PPFIA4: variants seen among roughly 807,000 people sequenced by gnomAD.
PPFIA4 encodes the protein liprin-alpha-4.
Under a neutral mutation model 145.7 loss-of-function variants are expected in PPFIA4, and 98 were observed. The observed-to-expected ratio is 0.67, with a 90% CI of 0.57 to 0.80. The LOEUF is 0.80. Among genes scored for constraint, PPFIA4 ranks in the 30% least tolerant of loss-of-function variants. The pLI, the probability that PPFIA4 is intolerant of heterozygous loss-of-function variation, is 0.00. For synonymous variants in PPFIA4, 628 were observed against 649.6 expected, an observed-to-expected ratio of 0.97 and a Z score of 0.51; for missense variants, 1,457 against 1,632.7, an observed-to-expected ratio of 0.89 and a Z score of 1.85.
At chr1:203,058,923 A>T (rs932034291) in intron 19 of PPFIA4, among the ~76,000 whole-genome samples, 1 of 152,160 alleles carries the variant, frequency 6.6e-6, no homozygotes, top group Non-Finnish European at 1.5e-5. Context: ...ACTTGGGTCC[A>T]TCTGGCTGGA....
rs1384357435 is a variant in PPFIA4 at position 203,068,928 on chromosome 1, A to G, written c.3324+300A>G. On this transcript the variant is annotated intron_variant, in intron 27 of 29. Transcript: ENST00000295706. This position sits in a 1 kb window ranked among gnomAD's most constrained non-coding sequence, Gnocchi z 4.7. The stretch of plus-strand genomic sequence containing the variant: ...GGTACCTCTATCTCCTCCTAACCCC[A>G]CTTCATAGCTGAGACTCTGAGCCTT... 6.6e-6 allele frequency among the ~76,000 whole-genome samples: 1 copy of G among 152,058 alleles called. No homozygotes were observed. Among genetic ancestry groups the G allele is most frequent in the African/African-American group, 2.4e-5 (1 of 41,382 alleles).
At position 203,078,446 on chromosome 1, in the gene PPFIA4, A is replaced by T. The variant is rs533421645; in HGVS notation, c.*2056A>T. On this transcript the variant is annotated 3_prime_UTR_variant, in exon 30 of 30. Coordinates refer to ENST00000295706, the MANE Select transcript of PPFIA4 (RefSeq NM_001304331.2). ...CAGCTGTGCCAGGATAGCTGGGTCC[A>T]TTCAGAGCACCTTGAGAAGTGTTGC... 2 of 152,664 alleles carry T rather than the reference A, an allele frequency of 1.3e-5. No homozygotes were observed. The highest frequency in any genetic ancestry group is 3.9e-4 in the East Asian group (2 of 5,184). 9.5% of individuals were successfully genotyped at this position (152,664 alleles called of 1,614,324 possible).
intron 13 of PPFIA4, chr1:203,051,281 A>G (rs1201647569): frequency 7.1e-6 from 7 of 986,112 alleles, no homozygotes; most frequent in Non-Finnish European, 7.2e-6. Flanking sequence ...GACTCAGTCC[A>G]GATTATGGGG....
At chr1:203,054,665 A>G (rs1180478318) in intron 15 of PPFIA4, among the ~76,000 whole-genome samples, 1 of 140,220 alleles carries the variant, frequency 7.1e-6, no homozygotes, top group Non-Finnish European at 1.5e-5. Context: ...GACCAGTTAC[A>G]AAGAAGACAC....
Position 203,075,784 on chromosome 1 carries a change from C to T in PPFIA4, c.3574+27C>T. ...TGAGTAACAGGCGGGCTGGGCATGG[C>T]CGAGGCCCAGCCGAGCGCGGGCTTC... On this transcript the variant is annotated intron_variant, in intron 29 of 29. Transcript: ENST00000295706. The surrounding 1 kb of genome is among the most constrained non-coding windows in gnomAD (Gnocchi z 4.1). 1.5e-6 allele frequency: 2 copies of T among 1,353,846 alleles called. No individual in the cohort carries two copies. The highest frequency in any genetic ancestry group is 1.9e-6 in the Non-Finnish European group (2 of 1,048,306). The allele number at this position is 1,353,846 out of a possible 1,614,324, so 83.9% of individuals were successfully genotyped here.
chr1:203,040,301 C>A (rs1207749085), intron 2 of PPFIA4, among the ~76,000 whole-genome samples: 2 of 152,222 alleles, frequency 1.3e-5, no homozygotes, highest in Non-Finnish European at 2.9e-5. Flanking sequence ...GCATAGCCTA[C>A]CCTGACCCAG....
In PPFIA4 at chr1:203,048,843, G is replaced by A; in HGVS notation, c.1357-75G>A. 1 of 1,536,104 alleles carries A rather than the reference G, an allele frequency of 6.5e-7. No individual in the cohort carries two copies. Among genetic ancestry groups the A allele is most frequent in the Middle Eastern group, 2.3e-4 (1 of 4,318 alleles). On this transcript the variant is annotated intron_variant, in intron 11 of 29. Coordinates refer to ENST00000295706, the MANE Select transcript of PPFIA4 (RefSeq NM_001304331.2). This position sits in a 1 kb window ranked among gnomAD's most constrained non-coding sequence, Gnocchi z 5.8. ...GGCCAGCCTGGAGAGGTGGGGCTGA[G>A]ACTGCACACCCAGAGGCTCAGGTCT...
Position 203,046,350 on chromosome 1 carries a change from G to T in PPFIA4, c.1108G>T (p.Glu370Ter). ...KAETLPEVEAELAQRIAALTK... is the reference protein window; with the variant it reads ...KAETLPEVEA Reference sequence around the variant, plus strand: ...AGAGACGCTGCCAGAGGTGGAGGCTGAGCTGGCCCAGAGAATTGCAGCCCT... The same window carrying T: ...AGAGACGCTGCCAGAGGTGGAGGCTTAGCTGGCCCAGAGAATTGCAGCCCT... The change falls in exon 9 of 30, where the codon GAG becomes TAG. Residue 370 changes from glutamate to a stop codon, truncating the protein, a stop_gained. Coordinates refer to ENST00000295706, the MANE Select transcript of PPFIA4 (RefSeq NM_001304331.2). LOFTEE classifies it high-confidence loss of function. The T allele has an allele frequency of 6.3e-7, 1 of 1,591,150 alleles. No individual in the cohort carries two copies. Among genetic ancestry groups the T allele is most frequent in the South Asian group, 1.1e-5 (1 of 87,450 alleles).
intron 1 of PPFIA4, among the ~76,000 whole-genome samples, chr1:203,028,162 G>A (rs554026617): frequency 1.3e-5 from 2 of 152,174 alleles, no homozygotes; most frequent in Non-Finnish European, 2.9e-5. Flanking sequence ...GGAATAGTGT[G>A]GGGGAGGAGG....
rs553206938 is a variant in PPFIA4 at position 203,046,447 on chromosome 1, G to A, written c.1140+65G>A. ...ATGTTCTGAGCTCTCAGGGAGCCAGGCAGGGAAGGGAGCGCGTGGGAGGCG... is the reference window on the plus strand; with the variant it reads ...ATGTTCTGAGCTCTCAGGGAGCCAGACAGGGAAGGGAGCGCGTGGGAGGCG... On this transcript the variant is annotated intron_variant, in intron 9 of 29. Transcript: ENST00000295706. The A allele has an allele frequency of 2.0e-6, 3 of 1,506,020 alleles. No homozygotes were observed. The Admixed American group carries it at 6.7e-5, about 34-fold the overall frequency. The allele number at this position is 1,506,020 out of a possible 1,614,324, so 93.3% of individuals were successfully genotyped here.
At chr1:203,032,698 C>T (rs1426327925) in intron 1 of PPFIA4, among the ~76,000 whole-genome samples, 5 of 150,172 alleles carry the variant, frequency 3.3e-5, no homozygotes, top group African/African-American at 1.2e-4. Flanking sequence ...TCTTTCACCT[C>T]ATCCTCCCAA....
chr1:203,055,364 G>A lies in PPFIA4; in HGVS notation c.1830-68G>A, dbSNP rs1660855095. The A allele has an allele frequency of 1.3e-5, 20 of 1,599,072 alleles. No individual in the cohort carries two copies. The highest frequency in any genetic ancestry group is 3.3e-5 in the Admixed American group (2 of 59,772). The stretch of plus-strand genomic sequence containing the variant: ...GTCCTTGGTGGCGAGTGCAGGCATC[G>A]ACCCGCACTGCCTCCTGCTGGTCCT... On this transcript the variant is annotated intron_variant, in intron 15 of 29. Transcript: ENST00000295706. This position sits in a 1 kb window ranked among gnomAD's most constrained non-coding sequence, Gnocchi z 4.8.
intron 27 of PPFIA4, among the ~76,000 whole-genome samples, chr1:203,070,571 G>C (rs1662079038): frequency 8.4e-6 from 1 of 119,204 alleles, no homozygotes; most frequent in South Asian, 2.9e-4. Flanking sequence ...AACAGAATGA[G>C]ACCCTGTCTC....
chr1:203,066,834 G>T (rs1190088320), intron 25 of PPFIA4, among the ~76,000 whole-genome samples: 1 of 152,148 alleles, frequency 6.6e-6, no homozygotes, highest in Admixed American at 6.5e-5. Context: ...AGGGGTTTAG[G>T]ATCAGTGAAC....
Position 203,043,249 on chromosome 1 carries a change from C to A in PPFIA4, c.235-148C>A, listed in dbSNP as rs763757817. The A allele has an allele frequency of 4.5e-6, 3 of 671,244 alleles. No homozygotes were observed. The highest frequency in any genetic ancestry group is 7.9e-6 in the Non-Finnish European group (3 of 379,502). 41.6% of individuals were successfully genotyped at this position (671,244 alleles called of 1,614,324 possible). ...GAAGCACATGCTAGCTACAGGTTTACTGACCTGCAGTGTGGATGGATTGGG... is the reference window on the plus strand; with the variant it reads ...GAAGCACATGCTAGCTACAGGTTTAATGACCTGCAGTGTGGATGGATTGGG... On this transcript the variant is annotated intron_variant, in intron 2 of 29. Coordinates refer to ENST00000295706, the MANE Select transcript of PPFIA4 (RefSeq NM_001304331.2). The surrounding 1 kb of genome is among the most constrained non-coding windows in gnomAD (Gnocchi z 4.4).
chr1:203,052,775 C>T (rs1660628581), intron 14 of PPFIA4, among the ~76,000 whole-genome samples: 1 of 152,124 alleles, frequency 6.6e-6, no homozygotes, highest in Non-Finnish European at 1.5e-5. Context: ...TGTTCTCCAC[C>T]CTCCCCTCTT....
At chr1:203,044,611 C>A in intron 5 of PPFIA4, 85 bp from the exon 6 acceptor site, 1 of 1,427,402 alleles carries the variant, frequency 7.0e-7, no homozygotes. Flanking sequence ...CATTTTTTAA[C>A]TAAGACAGGG....
chr1:203,034,003 C>T (rs576730440), intron 1 of PPFIA4, among the ~76,000 whole-genome samples: 1 of 152,084 alleles, frequency 6.6e-6, no homozygotes, highest in Non-Finnish European at 1.5e-5. Context: ...CAGGTCTGTT[C>T]AGTTCCATGG....
In PPFIA4 at chr1:203,048,948, C is replaced by T. The variant is rs557583668; in HGVS notation, c.1387C>T (p.Gln463Ter). 2 of 1,548,606 alleles carry T rather than the reference C, an allele frequency of 1.3e-6. No homozygotes were observed. The highest frequency in any genetic ancestry group is 1.4e-5 in the African/African-American group (1 of 73,068). ...GTTGATCCAGGAGTTGGAGAGCTCCCAGCGGCAGATTGAGGAGCAGCACCA... is the reference window on the plus strand; with the variant it reads ...GTTGATCCAGGAGTTGGAGAGCTCCTAGCGGCAGATTGAGGAGCAGCACCA... ...NTLIQELESS[Q>*]RQIEEQHHHK... The change falls in exon 12 of 30, where the codon CAG becomes TAG. Residue 463 changes from glutamine (Q) to a stop codon, truncating the protein, a stop_gained. Coordinates refer to ENST00000295706, the MANE Select transcript of PPFIA4 (RefSeq NM_001304331.2). LOFTEE classifies it high-confidence loss of function. The surrounding 1 kb of genome is among the most constrained non-coding windows in gnomAD (Gnocchi z 5.8).
Sources: allele counts gnomAD v4.1 joint callset (sites outside exome capture counted in the v4.1 genomes callset), GRCh38; gene constraint gnomAD v4.1.1; non-coding constraint Gnocchi (gnomAD v3.1); transcripts MANE v1.5; gene names NCBI Gene and HGNC (gene_info 2026-07-23, HGNC 2026-07-21).